The following EYS variants were observed in gnomAD, a reference collection of about 807,000 sequenced individuals.
The protein encoded by EYS is EGF-like photoreceptor maintenance factor, also known as protein eyes shut homolog.
In EYS, 250 loss-of-function variants were observed where a neutral mutation model predicts 282.1. That is an observed-to-expected ratio of 0.89 (90% CI 0.80 to 0.98). The LOEUF is 0.98. Ranked by LOEUF, EYS falls within the 50% of genes least tolerant of loss-of-function variation. The probability of loss-of-function intolerance (pLI) is 0.00; values close to 1 mark genes in which losing one functional copy is unlikely to be tolerated. For synonymous variants in EYS, 1,355 were observed against 1,282.9 expected (o/e 1.06, Z -1.20); for missense variants, 4,016 against 3,709.0 (o/e 1.08, Z -2.15).
chr6:65,382,741 T>C (rs957507317), intron 8 of EYS, among the ~76,000 whole-genome samples: 2 of 151,968 alleles, frequency 1.3e-5, no homozygotes, highest in Non-Finnish European at 2.9e-5. Flanking sequence ...AACAAAGATG[T>C]AGGCTGGGAG....
At chr6:64,713,081 T>C (rs1384675333) in intron 22 of EYS, among the ~76,000 whole-genome samples, 2 of 152,094 alleles carry the variant, frequency 1.3e-5, no homozygotes, top group Non-Finnish European at 2.9e-5. Context: ...CCAAGGAAAA[T>C]GCATTTTTAA....
rs139230569 is a variant in EYS at position 64,634,724 on chromosome 6, G to A, written c.3444-8479C>T. Among the ~76,000 whole-genome samples, 457 of 152,154 alleles carry A rather than the reference G, an allele frequency of 3.0e-3. 4 individuals carry two copies. In the East Asian group the frequency reaches 0.04, roughly 13 times the overall value. ...ATTTCATATGTCAAAAAACATCTAA[G>A]AAAAAATGAAGAAGGGAATTTAATA... is the stretch of plus-strand genomic sequence containing the variant. On this transcript the variant is annotated intron_variant, in intron 22 of 42. Coordinates refer to ENST00000503581, the MANE Select transcript of EYS (RefSeq NM_001142800.2).
rs80003276 is a variant in EYS at position 65,629,397 on chromosome 6, T to C, written c.-333+10381A>G. On this transcript the variant is annotated intron_variant, in intron 2 of 42. Coordinates refer to ENST00000503581, the MANE Select transcript of EYS (RefSeq NM_001142800.2). The stretch of plus-strand genomic sequence containing the variant: ...TCAGGCTGCAATTTGATTCACTTCC[T>C]TGTAACCAAAATCAAAGTCACTAGA... Among the ~76,000 whole-genome samples, 479 of 152,300 alleles carry C rather than the reference T, an allele frequency of 3.1e-3. 5 individuals carry two copies. Among genetic ancestry groups the C allele is most frequent in the African/African-American group, 0.011 (460 of 41,556 alleles).
At chr6:64,209,283 AG>A (rs374307932) in intron 31 of EYS, among the ~76,000 whole-genome samples, 167 of 152,298 alleles carry the variant, frequency 1.1e-3, no homozygotes, top group African/African-American at 3.9e-3. Flanking sequence ...CTATATGAAT[AG>A]CACAAGGTTA....
At chr6:65,448,056 C>A (rs1768742809) in intron 5 of EYS, among the ~76,000 whole-genome samples, 1 of 151,986 alleles carries the variant, frequency 6.6e-6, no homozygotes, top group Non-Finnish European at 1.5e-5. Context: ...ATACTACTGG[C>A]AATTTGGACA....
chr6:65,484,137 CAA>C (rs55699254), intron 5 of EYS, among the ~76,000 whole-genome samples: 19 of 144,376 alleles, frequency 1.3e-4, no homozygotes, highest in South Asian at 2.2e-4. Context: ...CAAAATATTT[CAA>C]AAAAAAAAAA....
chr6:64,797,625 T>C (rs1774399225), intron 22 of EYS, among the ~76,000 whole-genome samples: 1 of 152,068 alleles, frequency 6.6e-6, no homozygotes. Flanking sequence ...ATTATACTTA[T>C]AAAATAAAGG....
chr6:65,335,546 T>C (rs1343203787), intron 10 of EYS, among the ~76,000 whole-genome samples: 1 of 151,742 alleles, frequency 6.6e-6, no homozygotes, highest in Admixed American at 6.6e-5. Flanking sequence ...ACTGTCTTTG[T>C]GTCCTGTAGT....
At chr6:63,860,306 T>G (rs570565876) in intron 36 of EYS, among the ~76,000 whole-genome samples, 1 of 152,294 alleles carries the variant, frequency 6.6e-6, no homozygotes, top group East Asian at 1.9e-4. Flanking sequence ...AATATTGATA[T>G]GTGATGGAAT....
intron 31 of EYS, among the ~76,000 whole-genome samples, chr6:64,222,024 C>T (rs1167546218): frequency 1.3e-5 from 2 of 152,022 alleles, no homozygotes; most frequent in African/African-American, 4.8e-5. Flanking sequence ...AAGAGAACTG[C>T]AGGCAAAAGG....
intron 30 of EYS, among the ~76,000 whole-genome samples, chr6:64,282,869 T>C (rs1364418308): frequency 6.6e-6 from 1 of 152,196 alleles, no homozygotes; most frequent in Admixed American, 6.5e-5. Flanking sequence ...TTCATGTTTA[T>C]GAAAACTATT....
At chr6:64,199,277 C>G (rs1386620861) in intron 31 of EYS, among the ~76,000 whole-genome samples, 1 of 152,102 alleles carries the variant, frequency 6.6e-6, no homozygotes, top group Admixed American at 6.6e-5. Flanking sequence ...AGAAATAATG[C>G]CACACATCTA....
chr6:65,429,385 A>C (rs556151694), intron 5 of EYS, among the ~76,000 whole-genome samples: 1 of 152,244 alleles, frequency 6.6e-6, no homozygotes, highest in Non-Finnish European at 1.5e-5. Context: ...TGAAACCAAA[A>C]CAAAACAAAA....
intron 41 of EYS, among the ~76,000 whole-genome samples, chr6:63,757,607 C>G (rs1415085926): frequency 6.6e-6 from 1 of 152,086 alleles, no homozygotes; most frequent in Non-Finnish European, 1.5e-5. Context: ...GGTTTTGTGG[C>G]TCAGGTGGGC....
chr6:65,014,269 CA>C (rs1437956514), intron 13 of EYS, among the ~76,000 whole-genome samples: 13 of 152,130 alleles, frequency 8.5e-5, no homozygotes, highest in African/African-American at 1.7e-4. Context: ...CAGTCCTGGC[CA>C]ACCTTTTGAT....
chr6:64,153,839 T>G (rs1774823248), intron 31 of EYS, among the ~76,000 whole-genome samples: 1 of 152,230 alleles, frequency 6.6e-6, no homozygotes, highest in Non-Finnish European at 1.5e-5. Flanking sequence ...AAGACACCTT[T>G]ACAAAACTTT....
chr6:65,119,132 A>G (rs2150194333), intron 12 of EYS, among the ~76,000 whole-genome samples: 1 of 152,330 alleles, frequency 6.6e-6, no homozygotes, highest in South Asian at 2.1e-4. Context: ...TATTATTTCT[A>G]GAAGAACTAG....
At chr6:64,226,746 C>T (rs6917633) in intron 31 of EYS, among the ~76,000 whole-genome samples, 152,074 of 152,226 alleles carry the variant, frequency 1, 75,961 homozygotes, top group Non-Finnish European at 1. Flanking sequence ...TATAAGTCAA[C>T]GTTATTAGCT....
intron 35 of EYS, among the ~76,000 whole-genome samples, chr6:63,984,131 CCA>C (rs1409640729): frequency 6.6e-6 from 1 of 151,670 alleles, no homozygotes; most frequent in Non-Finnish European, 1.5e-5. Flanking sequence ...TTTGAAATTG[CCA>C]AAACCAGGTC....
Sources: allele counts gnomAD v4.1 joint callset (sites outside exome capture counted in the v4.1 genomes callset), GRCh38; gene constraint gnomAD v4.1.1; transcripts MANE v1.5; gene names NCBI Gene and HGNC (gene_info 2026-07-23, HGNC 2026-07-21).